The following SETBP1 variants were observed in gnomAD, a reference collection of about 807,000 sequenced individuals.
The protein encoded by SETBP1 is SET binding protein 1.
SETBP1 carries 9 observed loss-of-function variants against 101.0 expected under a neutral mutation model. That is an observed-to-expected ratio of 0.09 (90% confidence interval 0.05 to 0.16). SETBP1 has a LOEUF of 0.16. Ranked by LOEUF, SETBP1 falls within the 10% of genes least tolerant of loss-of-function variation. The pLI is 1.00. For missense variants in SETBP1, 1,858 were observed against 2,033.8 expected, an observed-to-expected ratio of 0.91 and a Z score of 1.66; for synonymous variants, 818 against 788.5, an observed-to-expected ratio of 1.04 and a Z score of -0.63.
intron 3 of SETBP1, among the ~76,000 whole-genome samples, chr18:44,946,033 A>T (rs1476610120): frequency 6.6e-6 from 1 of 152,264 alleles, no homozygotes; most frequent in Non-Finnish European, 1.5e-5. Context: ...CATGGCTGAC[A>T]GATGAAGCGC....
intron 2 of SETBP1, among the ~76,000 whole-genome samples, chr18:44,816,875 G>A (rs542017436): frequency 2.2e-4 from 34 of 152,162 alleles, no homozygotes; most frequent in Non-Finnish European, 3.5e-4. Context: ...TCCTGACCCA[G>A]GATACTGTGT....
chr18:44,903,562 G>C (rs1396488609), intron 3 of SETBP1, among the ~76,000 whole-genome samples: 2 of 152,164 alleles, frequency 1.3e-5, no homozygotes, highest in Non-Finnish European at 2.9e-5. Flanking sequence ...CAAAGAAATG[G>C]AAGGCACAGT....
chr18:44,869,354 C>T lies in SETBP1; in HGVS notation c.540+71C>T, dbSNP rs2069216023. The T allele has an allele frequency of 2.9e-6, 4 of 1,391,740 alleles. No homozygotes were observed. The African/African-American group carries it at 4.3e-5, about 15-fold the overall frequency. 86.2% of individuals were successfully genotyped at this position (1,391,740 alleles called of 1,614,324 possible). ...TCCAGAGTTTGGTTGTCAACAAGCA[C>T]CTTTGGGGCCAGGACAGAAACCCGA... On this transcript the variant is annotated intron_variant, in intron 3 of 5. Coordinates refer to ENST00000649279, the MANE Select transcript of SETBP1 (RefSeq NM_015559.3).
intron 4 of SETBP1, among the ~76,000 whole-genome samples, chr18:44,960,431 C>T (rs1391853671): frequency 6.6e-6 from 1 of 152,102 alleles, no homozygotes; most frequent in African/African-American, 2.4e-5. Flanking sequence ...AACTTCTGGG[C>T]TCAAGCAATC....
intron 2 of SETBP1, among the ~76,000 whole-genome samples, chr18:44,792,571 G>C (rs941440163): frequency 2.6e-5 from 4 of 152,184 alleles, no homozygotes; most frequent in African/African-American, 7.2e-5. Context: ...ACCACCGCCT[G>C]GAGTACCTGG....
chr18:44,810,417 G>A (rs1355312602), intron 2 of SETBP1, among the ~76,000 whole-genome samples: 1 of 152,196 alleles, frequency 6.6e-6, no homozygotes, highest in African/African-American at 2.4e-5. Context: ...TACAGATGGA[G>A]GGTTGGTAAC....
chr18:44,726,335 T>G (rs1031765384), intron 2 of SETBP1, among the ~76,000 whole-genome samples: 3 of 152,170 alleles, frequency 2.0e-5, no homozygotes, highest in African/African-American at 7.2e-5. Flanking sequence ...TTGAAAGAGA[T>G]TATGAATAAT....
chr18:44,898,445 T>G (rs1397757787), intron 3 of SETBP1, among the ~76,000 whole-genome samples: 2 of 152,226 alleles, frequency 1.3e-5, no homozygotes, highest in African/African-American at 4.8e-5. Context: ...GTGGCTAGAA[T>G]GGAAGCCACC....
chr18:44,973,271 C>A (rs138224466), intron 4 of SETBP1, among the ~76,000 whole-genome samples: 2 of 152,096 alleles, frequency 1.3e-5, no homozygotes, highest in African/African-American at 4.8e-5. Flanking sequence ...CTGCTGGATT[C>A]GGTTTGCCAA....
intron 1 of SETBP1, among the ~76,000 whole-genome samples, chr18:44,689,516 A>G (rs1039586599): frequency 1.3e-5 from 2 of 152,228 alleles, no homozygotes; most frequent in East Asian, 3.9e-4. Flanking sequence ...GATTGTGACC[A>G]GACTCTGATG....
intron 1 of SETBP1, among the ~76,000 whole-genome samples, chr18:44,692,642 A>G (rs1296014270): frequency 6.6e-6 from 1 of 152,164 alleles, no homozygotes; most frequent in African/African-American, 2.4e-5. Context: ...GAGCAGAATG[A>G]CCAGGGAAGT....
chr18:44,899,470 A>T (rs1306973989), intron 3 of SETBP1, among the ~76,000 whole-genome samples: 4 of 152,182 alleles, frequency 2.6e-5, no homozygotes, highest in African/African-American at 7.2e-5. Context: ...CATGTTGGCC[A>T]TGCTGTATGG....
intron 4 of SETBP1, among the ~76,000 whole-genome samples, chr18:45,009,105 G>A (rs968751915): frequency 3.3e-5 from 5 of 152,144 alleles, no homozygotes; most frequent in African/African-American, 1.2e-4. Flanking sequence ...GATGCAGGAA[G>A]AAGTGTGTTC....
At chr18:44,706,293 T>C (rs2069215636) in intron 2 of SETBP1, among the ~76,000 whole-genome samples, 1 of 152,038 alleles carries the variant, frequency 6.6e-6, no homozygotes, top group African/African-American at 2.4e-5. Context: ...TCTGGAAGAA[T>C]GTTCCAGTAG....
chr18:44,683,084 C>T (rs2068786600), intron 1 of SETBP1, among the ~76,000 whole-genome samples: 1 of 152,028 alleles, frequency 6.6e-6, no homozygotes. Flanking sequence ...AAGAAGGGGG[C>T]CACTTCTAGC....
rs553962333 is a variant in SETBP1, at chr18:44,944,823, T to C, written c.541-5058T>C. On this transcript the variant is annotated intron_variant, in intron 3 of 5. Coordinates refer to ENST00000649279, the MANE Select transcript of SETBP1 (RefSeq NM_015559.3). ...ATTTTTTCTTAGATTCAAATCACCA[T>C]CTTCTCATCTCCTTGCAATAAACTT... Among the ~76,000 whole-genome samples the C allele has an allele frequency of 7.2e-5, 11 of 152,244 alleles. No individual in the cohort carries two copies. The South Asian group carries it at 2.3e-3, about 32-fold the overall frequency.
intron 2 of SETBP1, among the ~76,000 whole-genome samples, chr18:44,828,537 A>G (rs1165005987): frequency 6.6e-6 from 1 of 152,226 alleles, no homozygotes; most frequent in Non-Finnish European, 1.5e-5. Flanking sequence ...TTATTTCTTG[A>G]ACATTGACTG....
At chr18:44,684,991 G>C (rs1231641145) in intron 1 of SETBP1, among the ~76,000 whole-genome samples, 1 of 152,142 alleles carries the variant, frequency 6.6e-6, no homozygotes, top group Non-Finnish European at 1.5e-5. Context: ...GAAACCAGCA[G>C]TTGACTTCCT....
intron 2 of SETBP1, among the ~76,000 whole-genome samples, chr18:44,702,159 A>G (rs1224571099): frequency 6.6e-6 from 1 of 152,184 alleles, no homozygotes; most frequent in African/African-American, 2.4e-5. Context: ...AAGAAGAAAA[A>G]ATATATTTGC....
Sources: allele counts gnomAD v4.1 joint callset (sites outside exome capture counted in the v4.1 genomes callset), GRCh38; gene constraint gnomAD v4.1.1; transcripts MANE v1.5; gene names NCBI Gene and HGNC (gene_info 2026-07-23, HGNC 2026-07-21).